Variants in PSMA5 observed in about 807,000 individuals in gnomAD.
PSMA5 encodes proteasome 20S subunit alpha 5, also known as proteasome subunit alpha type-5.
Under a neutral mutation model 34.5 loss-of-function variants are expected in PSMA5, and 3 were observed. The ratio of observed to expected loss-of-function variants is 0.09; its 90% confidence interval spans 0.04 to 0.22. The LOEUF (loss-of-function observed/expected upper bound fraction) is 0.22, where lower values mean the gene tolerates loss of function less well. PSMA5 is among the 10% of genes least tolerant of loss of function. The pLI, the probability that PSMA5 is intolerant of heterozygous loss-of-function variation, is 1.00. For synonymous variants in PSMA5, 88 were observed against 95.8 expected (o/e 0.92, Z 0.47); for missense variants, 120 against 286.1 (o/e 0.42, Z 4.19).
chr1:109,416,145 T>A (rs191527993), intron 2 of PSMA5, among the ~76,000 whole-genome samples: 31 of 152,340 alleles, frequency 2.0e-4, no homozygotes, highest in African/African-American at 5.8e-4. Flanking sequence ...TTATTCATAT[T>A]CCATGCCTAG....
In PSMA5 at chr1:109,421,626, C is replaced by T. The variant is rs1432814688; in HGVS notation, c.96+234G>A. Among the ~76,000 whole-genome samples, 3 of 152,110 alleles carry T rather than the reference C, an allele frequency of 2.0e-5. No individual in the cohort carries two copies. In the East Asian group the frequency reaches 5.8e-4, roughly 29 times the overall value. On this transcript the variant is annotated intron_variant, in intron 2 of 8. Coordinates refer to ENST00000271308, the MANE Select transcript of PSMA5 (RefSeq NM_002790.4). ...AAAGCACAAATATGTCCCTCCACCC[C>T]CACTGAGAAAAAGCTATTTAGATAA...
chr1:109,410,419 A>G (rs559743110), intron 7 of PSMA5, among the ~76,000 whole-genome samples: 1 of 152,314 alleles, frequency 6.6e-6, no homozygotes, highest in South Asian at 2.1e-4. Context: ...CCTGTTTTGT[A>G]CCTAATTTCT....
In PSMA5 at chr1:109,399,357, T is replaced by C; in HGVS notation, c.*2656A>G. On this transcript the variant is annotated 3_prime_UTR_variant, in exon 9 of 9. Coordinates refer to ENST00000271308, the MANE Select transcript of PSMA5 (RefSeq NM_002790.4). The stretch of plus-strand genomic sequence containing the variant: ...AATTTGTTCCTTTCCATAACTACTA[T>C]CAGATTAATTTAAAAAAGATTATTT... 1 of 151,802 alleles carries C rather than the reference T, an allele frequency of 6.6e-6. No individual in the cohort carries two copies. The highest frequency in any genetic ancestry group is 1.9e-4 in the East Asian group (1 of 5,188). 9.4% of individuals were successfully genotyped at this position (151,802 alleles called of 1,614,324 possible). A position where few individuals can be genotyped will look rare whatever the true frequency, so the allele number is the denominator to read the frequency against.
At chr1:109,414,450 G>GCAAT (rs1654116078) in intron 3 of PSMA5, among the ~76,000 whole-genome samples, 1 of 152,176 alleles carries the variant, frequency 6.6e-6, no homozygotes, top group African/African-American at 2.4e-5. Context: ...CAATTAGACT[G>GCAAT]TATGCTCCTG....
chr1:109,426,424 A>AC lies in PSMA5; in HGVS notation c.-95dup. 1.0e-5 allele frequency: 15 copies of AC among 1,499,898 alleles called. No homozygotes were observed. The highest frequency in any genetic ancestry group is 1.4e-5 in the African/African-American group (1 of 72,538). 92.9% of individuals were successfully genotyped at this position (1,499,898 alleles called of 1,614,324 possible). ...ACTCACCGGCAGCCAACTCACCCAC[A>AC]CGGCCGCAGTACTAAGGACCAACTG... On this transcript the variant is annotated 5_prime_UTR_variant, in exon 1 of 9. Coordinates refer to ENST00000271308, the MANE Select transcript of PSMA5 (RefSeq NM_002790.4).
At chr1:109,411,520 A>G (rs1191577279) in intron 6 of PSMA5, among the ~76,000 whole-genome samples, 1 of 152,152 alleles carries the variant, frequency 6.6e-6, no homozygotes, top group Admixed American at 6.6e-5. Flanking sequence ...AAATTTGTGC[A>G]AACGGTATAG....
At chr1:109,412,042 A>G in intron 5 of PSMA5, 35 bp downstream of exon 5, 1 of 1,598,792 alleles carries the variant, frequency 6.3e-7, no homozygotes, top group Non-Finnish European at 8.6e-7. Context: ...GTCCCATAGA[A>G]CAATAAGAAA....
chr1:109,425,420 AAT>A (rs1009255759), intron 1 of PSMA5: 5 of 152,178 alleles, frequency 3.3e-5, no homozygotes, highest in Admixed American at 6.5e-5. Flanking sequence ...ACAGTGGGGA[AAT>A]ATGTCAAAAC....
At chr1:109,419,213 T>C (rs1035458403) in intron 2 of PSMA5, among the ~76,000 whole-genome samples, 1 of 152,062 alleles carries the variant, frequency 6.6e-6, no homozygotes, top group Non-Finnish European at 1.5e-5. Context: ...TTCTACCAAA[T>C]TGAGCAAATA....
rs891773114 is a variant in PSMA5, at chr1:109,426,363, G to T, written c.-33C>A. 1 of 1,613,532 alleles carries T rather than the reference G, an allele frequency of 6.2e-7. No individual in the cohort carries two copies. Among genetic ancestry groups the T allele is most frequent in the Non-Finnish European group, 8.5e-7 (1 of 1,179,516 alleles). ...GTAGGAGGAGGCAGCGGCTACGCGGGGATTCTGAGGACCAACACGACTCCA... is the reference window on the plus strand; with the variant it reads ...GTAGGAGGAGGCAGCGGCTACGCGGTGATTCTGAGGACCAACACGACTCCA... On this transcript the variant is annotated 5_prime_UTR_variant, in exon 1 of 9. Coordinates refer to ENST00000271308, the MANE Select transcript of PSMA5 (RefSeq NM_002790.4).
chr1:109,404,285 C>G (rs1653659267), intron 8 of PSMA5, among the ~76,000 whole-genome samples: 1 of 152,052 alleles, frequency 6.6e-6, no homozygotes, highest in African/African-American at 2.4e-5. Context: ...GCACTTAGCC[C>G]AGGCAACAAA....
chr1:109,419,044 T>C (rs978820072), intron 2 of PSMA5, among the ~76,000 whole-genome samples: 1 of 151,906 alleles, frequency 6.6e-6, no homozygotes, highest in Non-Finnish European at 1.5e-5. Context: ...TCCCAGCTAC[T>C]CAGGAGGCTG....
intron 8 of PSMA5, among the ~76,000 whole-genome samples, chr1:109,404,028 C>T (rs931484723): frequency 6.6e-6 from 1 of 151,706 alleles, no homozygotes; most frequent in South Asian, 2.1e-4. Context: ...AATATTATTA[C>T]TGCTTCTCTT....
chr1:109,415,148 T>C lies in PSMA5; in HGVS notation c.223+89A>G, dbSNP rs1419696855. 4 of 1,420,834 alleles carry C rather than the reference T, an allele frequency of 2.8e-6. No individual in the cohort carries two copies. The East Asian group carries it at 9.5e-5, about 34-fold the overall frequency. The allele number at this position is 1,420,834 out of a possible 1,614,324, so 88.0% of individuals were successfully genotyped here. ...AATAATAGCTAACAAGGGGATAACG[T>C]GTTCATTTCATAAACCTTCCTTGGA... is the stretch of plus-strand genomic sequence containing the variant. On this transcript the variant is annotated intron_variant, in intron 3 of 8. Transcript: ENST00000271308.
intron 8 of PSMA5, among the ~76,000 whole-genome samples, chr1:109,405,159 A>C (rs1168127853): frequency 6.6e-6 from 1 of 152,208 alleles, no homozygotes; most frequent in Non-Finnish European, 1.5e-5. Context: ...ACAGTACGTT[A>C]AAGTGGTTAA....
At chr1:109,407,033 A>G (rs1005152567) in intron 8 of PSMA5, among the ~76,000 whole-genome samples, 3 of 152,182 alleles carry the variant, frequency 2.0e-5, no homozygotes, top group African/African-American at 7.2e-5. Flanking sequence ...CCCAGGCTGG[A>G]GTGCAGTGGC....
chr1:109,423,263 A>AC (rs60287248), intron 1 of PSMA5, among the ~76,000 whole-genome samples: 1 of 152,000 alleles, frequency 6.6e-6, no homozygotes, highest in Admixed American at 6.6e-5. Context: ...ACAAGGTGAA[A>AC]CCCCGTCTCT....
rs1363409406 is a variant in PSMA5 at position 109,426,404 on chromosome 1, C to T, written c.-74G>A. ...CACGACTCCACCGGCACCCAACTCACCGGCAGCCAACTCACCCACACGGCC... is the reference window on the plus strand; with the variant it reads ...CACGACTCCACCGGCACCCAACTCATCGGCAGCCAACTCACCCACACGGCC... On this transcript the variant is annotated 5_prime_UTR_variant, in exon 1 of 9. The change creates a new upstream start codon in the 5' untranslated region. Transcript: ENST00000271308. The T allele has an allele frequency of 1.3e-6, 2 of 1,584,784 alleles. No homozygotes were observed. The highest frequency in any genetic ancestry group is 1.3e-5 in the African/African-American group (1 of 74,354).
At chr1:109,415,108 G>T in intron 3 of PSMA5, 129 bp downstream of exon 3, 1 of 1,157,146 alleles carries the variant, frequency 8.6e-7, no homozygotes, top group Non-Finnish European at 1.2e-6. Flanking sequence ...ACGCATTCTG[G>T]CCTACTGCCT....
Sources: gnomAD v4.1 joint callset for allele counts (sites outside exome capture counted in the v4.1 genomes callset) on GRCh38, gnomAD v4.1.1 for gene constraint, MANE v1.5 for transcripts, NCBI Gene and HGNC (gene_info 2026-07-23, HGNC 2026-07-21) for gene names.